Variants in DNAH2 observed in about 807,000 individuals in gnomAD.
The protein encoded by DNAH2 is dynein axonemal heavy chain 2.
A neutral mutation model predicts 523.5 loss-of-function variants in DNAH2; 323 were observed. The ratio of observed to expected loss-of-function variants is 0.62; its 90% CI spans 0.56 to 0.68. DNAH2 has a LOEUF of 0.68. DNAH2 is among the 30% of genes least tolerant of loss of function. The probability of loss-of-function intolerance (pLI) is 0.00; values close to 1 mark genes in which losing one functional copy is unlikely to be tolerated. For synonymous variants in DNAH2, 2,093 were observed against 2,177.4 expected (o/e 0.96, Z 1.08); for missense variants, 4,907 against 5,701.5 (o/e 0.86, Z 4.49).
Position 7,786,707 on chromosome 17 carries a change from G to C in DNAH2, c.6466+20G>C, listed in dbSNP as rs373842616. ...GTGCAGGTATCCAGAGGATCGTGGGGTGTGGAGAGCAGACGCCTGAGTCTC... is the reference window on the plus strand; with the variant it reads ...GTGCAGGTATCCAGAGGATCGTGGGCTGTGGAGAGCAGACGCCTGAGTCTC... On this transcript the variant is annotated intron_variant, in intron 41 of 85. Coordinates refer to ENST00000572933, the MANE Select transcript of DNAH2 (RefSeq NM_020877.5). The surrounding 1 kb of genome is among the most constrained non-coding windows in gnomAD (Gnocchi z 7.5). The C allele has an allele frequency of 6.2e-7, 1 of 1,612,600 alleles. No homozygotes were observed. Among genetic ancestry groups the C allele is most frequent in the Non-Finnish European group, 8.5e-7 (1 of 1,179,114 alleles).
Position 7,796,577 on chromosome 17 carries a change from C to T in DNAH2, c.7788C>T (p.Tyr2596=). Residue 2596 remains tyrosine (Y), a synonymous_variant, in exon 50 of 86, where the codon TAC becomes TAT. Coordinates refer to ENST00000572933, the MANE Select transcript of DNAH2 (RefSeq NM_020877.5). The stretch of plus-strand genomic sequence containing the variant: ...TGACAGAGGCCACCCTGGACATGTA[C>T]AACACCGTGGTACAGCGCTTCCTGC... ...NVVTEATLDM[Y]NTVVQRFLPT... is the part of the protein sequence containing the mutation. 1.2e-6 allele frequency: 2 copies of T among 1,613,648 alleles called. No homozygotes were observed. Among genetic ancestry groups the T allele is most frequent in the African/African-American group, 1.3e-5 (1 of 74,842 alleles).
rs1162647992 is a variant in DNAH2, at chr17:7,740,885, C to A, written c.1582C>A (p.Arg528Ser). 6.2e-7 allele frequency: 1 copy of A among 1,614,062 alleles called. No individual in the cohort carries two copies. Among genetic ancestry groups the A allele is most frequent in the African/African-American group, 1.3e-5 (1 of 75,054 alleles). ...LFNSELALVN[R>S]ERNKKWPDLE... is the part of the protein sequence containing the mutation. ...CAATAGCGAGCTGGCCCTGGTGAAC[C>A]GTGAACGGAACAAGAAATGGCCAGA... is the stretch of plus-strand genomic sequence containing the variant. The change falls in exon 11 of 86, where the codon CGT becomes AGT. Residue 528 changes from arginine (R) to serine (S), a missense_variant. Arg to Ser is a moderately radical substitution (Grantham distance 110, BLOSUM62 -1). This residue lies in a region of DNAH2 where 2,806 missense variants were observed against 3,190.8 expected (regional missense o/e 0.88). Transcript: ENST00000572933.
chr17:7,779,133 C>T, intron 35 of DNAH2, 110 bp from the exon 36 acceptor site: 3 of 1,320,006 alleles, frequency 2.3e-6, no homozygotes, highest in African/African-American at 2.9e-5. Context: ...GCCCCCTAGT[C>T]TGGAGGCCGC....
intron 12 of DNAH2, among the ~76,000 whole-genome samples, chr17:7,756,236 T>C (rs2151188867): frequency 6.6e-6 from 1 of 151,162 alleles, no homozygotes; most frequent in Admixed American, 6.6e-5. Context: ...TGGGACTCCA[T>C]CTAAAAAAAA....
chr17:7,782,024 G>T (rs2076616537), intron 39 of DNAH2, among the ~76,000 whole-genome samples: 1 of 152,160 alleles, frequency 6.6e-6, no homozygotes, highest in African/African-American at 2.4e-5. Context: ...TGCTAAGCTG[G>T]CAAGAAAGGA....
Position 7,807,143 on chromosome 17 carries a change from C to T in DNAH2, c.9443-7C>T. On this transcript the variant is annotated splice_polypyrimidine_tract_variant and splice_region_variant and intron_variant, in intron 61 of 85. Coordinates refer to ENST00000572933, the MANE Select transcript of DNAH2 (RefSeq NM_020877.5). This position sits in a 1 kb window ranked among gnomAD's most constrained non-coding sequence, Gnocchi z 5.6. ...TCTGGCTAAGGCCCCTAATTTTCAT[C>T]CCACAGGGGAACAGAACTTCATCAA... The T allele has an allele frequency of 2.5e-6, 4 of 1,603,164 alleles. No individual in the cohort carries two copies. The highest frequency in any genetic ancestry group is 3.4e-6 in the Non-Finnish European group (4 of 1,179,506).
intron 6 of DNAH2, 57 bp downstream of exon 6, chr17:7,734,350 A>G: frequency 6.2e-7 from 1 of 1,603,318 alleles, no homozygotes; most frequent in Non-Finnish European, 8.5e-7. Context: ...GGGAAAGGGG[A>G]GGCTCGGATG....
Position 7,777,379 on chromosome 17 carries a change from G to A in DNAH2, c.5059-67G>A, listed in dbSNP as rs1052226471. ...GGGTTGGAAGCGGTGCTGGGTAGGG[G>A]CAAGGGTTGATCAGGCTTTGGCGGC... On this transcript the variant is annotated intron_variant, in intron 32 of 85. Transcript: ENST00000572933. 1.9e-6 allele frequency: 3 copies of A among 1,576,088 alleles called. No individual in the cohort carries two copies. The African/African-American group carries it at 4.0e-5, about 21-fold the overall frequency.
chr17:7,783,035 G>A (rs568300956), intron 39 of DNAH2, among the ~76,000 whole-genome samples: 1 of 152,262 alleles, frequency 6.6e-6, no homozygotes, highest in African/African-American at 2.4e-5. Flanking sequence ...AATCCAGACT[G>A]GAGCAAACCT....
intron 4 of DNAH2, among the ~76,000 whole-genome samples, chr17:7,727,868 T>A (rs2074872692): frequency 6.6e-6 from 1 of 151,894 alleles, no homozygotes; most frequent in Non-Finnish European, 1.5e-5. Flanking sequence ...ATAGGAGCGT[T>A]ATGGGAGCAA....
chr17:7,786,188 C>T lies in DNAH2; in HGVS notation c.6194C>T (p.Thr2065Ile). 6.2e-7 allele frequency: 1 copy of T among 1,614,040 alleles called. No individual in the cohort carries two copies. Among genetic ancestry groups the T allele is most frequent in the Non-Finnish European group, 8.5e-7 (1 of 1,180,006 alleles). The change falls in exon 40 of 86, where the codon ACC (threonine) becomes ATC (isoleucine). Residue 2065 changes from threonine (T) to isoleucine (I), a missense_variant. By Grantham distance (89) the Thr-to-Ile change is moderately conservative. This residue lies in a region of DNAH2 where 2,806 missense variants were observed against 3,190.8 expected (regional missense o/e 0.88). Transcript: ENST00000572933. This position sits in a 1 kb window ranked among gnomAD's most constrained non-coding sequence, Gnocchi z 7.5. ...CTGCAAAGCACGCCGTTCACCCTCACCAAGGTTTTCCAGTTGTATGAAACC... is the reference window on the plus strand; with the variant it reads ...CTGCAAAGCACGCCGTTCACCCTCATCAAGGTTTTCCAGTTGTATGAAACC... ...MGLQSTPFTL[T>I]KVFQLYETKN...
intron 32 of DNAH2, among the ~76,000 whole-genome samples, chr17:7,777,120 C>A (rs1172085463): frequency 1.4e-5 from 2 of 145,588 alleles, no homozygotes; most frequent in African/African-American, 5.1e-5. Flanking sequence ...CAGAACAAGA[C>A]TCTGTCTCAA....
Position 7,781,045 on chromosome 17 carries a change from C to T in DNAH2, c.6007C>T (p.Leu2003=). The change falls in exon 39 of 86, where the codon CTG becomes TTG. Residue 2003 remains leucine (L), a synonymous_variant. Coordinates refer to ENST00000572933, the MANE Select transcript of DNAH2 (RefSeq NM_020877.5). ...LQPDLTDEEV[L]LLSMRDMNIA... ...GTCTCTGTCTTTTCCCATTCAGGTT[C>T]TGCTGCTCTCAATGAGAGATATGAA... 6.2e-7 allele frequency: 1 copy of T among 1,614,116 alleles called. No individual in the cohort carries two copies. Among genetic ancestry groups the T allele is most frequent in the Non-Finnish European group, 8.5e-7 (1 of 1,180,050 alleles).
intron 73 of DNAH2, among the ~76,000 whole-genome samples, chr17:7,823,115 G>A (rs2077906911): frequency 6.6e-6 from 1 of 152,054 alleles, no homozygotes; most frequent in Non-Finnish European, 1.5e-5. Context: ...CCAACATGGT[G>A]AAACCCCGTG....
intron 48 of DNAH2, among the ~76,000 whole-genome samples, chr17:7,793,447 T>TTCTTTCTCTTTCTTTCTTTC (rs774059490): frequency 1.0e-5 from 1 of 96,416 alleles, no homozygotes. Context: ...CTTTCTTTCT[T>TTCTTTCTCTTTCTTTCTTTC]TTTCTTTCTT....
At chr17:7,726,775 C>G (rs546656702) in intron 3 of DNAH2, among the ~76,000 whole-genome samples, 16 of 152,230 alleles carry the variant, frequency 1.1e-4, no homozygotes, top group Non-Finnish European at 1.5e-4. Flanking sequence ...TTGATCTAGG[C>G]TAATATCCTA....
At chr17:7,755,067 C>A in intron 12 of DNAH2, 1 of 262,172 alleles carries the variant, frequency 3.8e-6, no homozygotes, top group African/African-American at 2.2e-5. Flanking sequence ...AGCGTGGAAA[C>A]AGGTAAGTGC....
At position 7,807,232 on chromosome 17, in the gene DNAH2, C is replaced by T; in HGVS notation, c.9525C>T (p.Tyr3175=). ...SDKVLKKIGA[Y]CAQPDFQPDI... Reference sequence around the variant, plus strand: ...AGGTTCTGAAGAAGATTGGGGCCTACTGCGCCCAGCCTGACTTCCAGCCTG... The same window carrying T: ...AGGTTCTGAAGAAGATTGGGGCCTATTGCGCCCAGCCTGACTTCCAGCCTG... The change falls in exon 62 of 86, where the codon TAC becomes TAT. Residue 3175 remains tyrosine, a synonymous_variant. Transcript: ENST00000572933. The surrounding 1 kb of genome is among the most constrained non-coding windows in gnomAD (Gnocchi z 5.6). The T allele has an allele frequency of 1.2e-6, 2 of 1,613,838 alleles. No individual in the cohort carries two copies. The highest frequency in any genetic ancestry group is 1.7e-6 in the Non-Finnish European group (2 of 1,180,042).
chr17:7,774,792 T>A lies in DNAH2; in HGVS notation c.4535T>A (p.Ile1512Asn). ...GACACATTGATAGAAATGAATACAA[T>A]CCTGGAAGATATTCAGAAATCTCTG... ...LLDTLIEMNTILEDIQKSLDM... is the reference protein window; with the variant it reads ...LLDTLIEMNTNLEDIQKSLDM... The change falls in exon 29 of 86, where the codon ATC (isoleucine) becomes AAC (asparagine). Residue 1512 changes from isoleucine to asparagine, a missense_variant. Physicochemically the swap from Ile to Asn is moderately radical, Grantham distance 149. Around this residue, in one of 3 missense-constraint regions of DNAH2, gnomAD observed 2,806 missense variants for 3,190.8 expected, o/e 0.88. Transcript: ENST00000572933. 15 of 1,614,192 alleles carry A rather than the reference T, an allele frequency of 9.3e-6. No homozygotes were observed. Among genetic ancestry groups the A allele is most frequent in the Non-Finnish European group, 1.3e-5 (15 of 1,180,030 alleles).
Sources: allele counts gnomAD v4.1 joint callset (sites outside exome capture counted in the v4.1 genomes callset), GRCh38; gene constraint gnomAD v4.1.1; regional missense constraint gnomAD v4.1.1; non-coding constraint Gnocchi (gnomAD v3.1); transcripts MANE v1.5; gene names NCBI Gene and HGNC (gene_info 2026-07-23, HGNC 2026-07-21).